The following PCDH15 variants were observed in gnomAD, a reference collection of about 807,000 sequenced individuals.
PCDH15 encodes protocadherin related 15.
In PCDH15, 129 loss-of-function variants were observed where a neutral mutation model predicts 178.5. That is an observed-to-expected ratio of 0.72 (90% confidence interval 0.63 to 0.84). The LOEUF (loss-of-function observed/expected upper bound fraction) is 0.84, where lower values mean the gene tolerates loss of function less well. PCDH15 is among the 40% of genes least tolerant of loss of function. The pLI is 0.00. For synonymous variants in PCDH15, 800 were observed against 732.0 expected (o/e 1.09, Z -1.50); for missense variants, 2,230 against 2,099.9 (o/e 1.06, Z -1.21).
At chr10:55,271,738 C>A (rs1842450324) in intron 1 of PCDH15, among the ~76,000 whole-genome samples, 1 of 152,044 alleles carries the variant, frequency 6.6e-6, no homozygotes, top group African/African-American at 2.4e-5. Context: ...GTACTCTGGC[C>A]TCTACCTTCC....
chr10:54,500,112 C>A (rs1158613770), intron 3 of PCDH15, among the ~76,000 whole-genome samples: 1 of 151,908 alleles, frequency 6.6e-6, no homozygotes, highest in Non-Finnish European at 1.5e-5. Context: ...TACTATGCAG[C>A]CATTAAAGAA....
At chr10:53,971,809 A>T (rs780483549) in intron 21 of PCDH15, among the ~76,000 whole-genome samples, 35 of 152,346 alleles carry the variant, frequency 2.3e-4, no homozygotes, top group Non-Finnish European at 2.5e-4. Context: ...AAATGGAAGA[A>T]CATTCCATGC....
intron 3 of PCDH15, among the ~76,000 whole-genome samples, chr10:54,491,166 T>C (rs2079551551): frequency 6.6e-6 from 1 of 152,172 alleles, no homozygotes; most frequent in South Asian, 2.1e-4. Flanking sequence ...AATTCAAAGT[T>C]ATCAGAAAAG....
chr10:54,591,355 G>A (rs7088162), intron 2 of PCDH15, among the ~76,000 whole-genome samples: 3,054 of 152,284 alleles, frequency 0.02, 90 homozygotes, highest in African/African-American at 0.068. Context: ...AAATGTGATT[G>A]TAGAAGAATG....
Position 54,495,878 on chromosome 10 carries a change from C to T in PCDH15, c.157+31934G>A, listed in dbSNP as rs375947364. Reference sequence around the variant, plus strand: ...TCAGATTTTGCTTTCACACACTCCACTGAATGTGCTCTCTTCTTAATAAAA... The same window carrying T: ...TCAGATTTTGCTTTCACACACTCCATTGAATGTGCTCTCTTCTTAATAAAA... On this transcript the variant is annotated intron_variant, in intron 3 of 37. Coordinates refer to ENST00000644397, the MANE Select transcript of PCDH15 (RefSeq NM_001384140.1). Among the ~76,000 whole-genome samples the T allele has an allele frequency of 1.2e-4, 19 of 152,296 alleles. No homozygotes were observed. The East Asian group carries it at 2.9e-3, about 23-fold the overall frequency.
chr10:54,313,849 G>A (rs750217953), intron 8 of PCDH15, among the ~76,000 whole-genome samples: 17 of 152,024 alleles, frequency 1.1e-4, no homozygotes, highest in Non-Finnish European at 2.2e-4. Flanking sequence ...CTGTAATCTG[G>A]AGAGGAAAGG....
chr10:55,013,127 A>G (rs968385525), intron 2 of PCDH15, among the ~76,000 whole-genome samples: 3 of 152,108 alleles, frequency 2.0e-5, no homozygotes, highest in African/African-American at 7.2e-5. Context: ...ATTTGTCACT[A>G]AATCCTTTTG....
At chr10:53,911,757 C>T (rs1196563833) in intron 25 of PCDH15, among the ~76,000 whole-genome samples, 1 of 152,150 alleles carries the variant, frequency 6.6e-6, no homozygotes, top group Non-Finnish European at 1.5e-5. Context: ...GAAGTTGAAT[C>T]TCTGAATAGA....
At chr10:54,903,294 A>T (rs184109274) in intron 2 of PCDH15, among the ~76,000 whole-genome samples, 90 of 152,244 alleles carry the variant, frequency 5.9e-4, no homozygotes, top group Non-Finnish European at 8.8e-5. Flanking sequence ...AAATTTTATT[A>T]TATTCTATGT....
At chr10:55,383,868 C>T (rs1355122521) in intron 2 of PCDH15, among the ~76,000 whole-genome samples, 1 of 152,052 alleles carries the variant, frequency 6.6e-6, no homozygotes, top group Non-Finnish European at 1.5e-5. Flanking sequence ...TTTGCACTAA[C>T]TGGGGAATTG....
intron 3 of PCDH15, among the ~76,000 whole-genome samples, chr10:54,404,745 CT>C (rs139646869): frequency 0.03 from 4,593 of 152,048 alleles, 226 homozygotes; most frequent in African/African-American, 0.11. Context: ...TTCTTACAAA[CT>C]ATGCATTTGA....
intron 28 of PCDH15, among the ~76,000 whole-genome samples, chr10:53,851,647 A>G (rs2078364563): frequency 7.1e-6 from 1 of 140,626 alleles, no homozygotes; most frequent in African/African-American, 2.6e-5. Flanking sequence ...GCTTCCCGAG[A>G]GACCTTCTAA....
chr10:54,350,283 G>A (rs754053384), intron 5 of PCDH15, among the ~76,000 whole-genome samples: 1 of 152,082 alleles, frequency 6.6e-6, no homozygotes, highest in Non-Finnish European at 1.5e-5. Context: ...GGCTGACAGG[G>A]GAGGATGGGC....
At chr10:54,207,705 C>A (rs1203945743) in intron 10 of PCDH15, among the ~76,000 whole-genome samples, 1 of 152,012 alleles carries the variant, frequency 6.6e-6, no homozygotes, top group African/African-American at 2.4e-5. Flanking sequence ...ATACTCTTAG[C>A]TGCCTTCTCT....
intron 1 of PCDH15, among the ~76,000 whole-genome samples, chr10:54,726,289 T>G (rs1462120184): frequency 6.6e-6 from 1 of 151,460 alleles, no homozygotes; most frequent in East Asian, 1.9e-4. Flanking sequence ...CCTAAGAAAA[T>G]AATTATTATT....
At chr10:54,024,985 T>C (rs1196113585) in intron 18 of PCDH15, among the ~76,000 whole-genome samples, 1 of 152,186 alleles carries the variant, frequency 6.6e-6, no homozygotes, top group East Asian at 1.9e-4. Context: ...AGTCACTTTT[T>C]CTGTCTATGG....
intron 3 of PCDH15, among the ~76,000 whole-genome samples, chr10:54,885,309 A>T (rs1174471108): frequency 6.6e-6 from 1 of 152,040 alleles, no homozygotes; most frequent in Non-Finnish European, 1.5e-5. Flanking sequence ...TGTCATGTGA[A>T]ATCTTGATAG....
In PCDH15 at chr10:55,305,038, G is replaced by A. The variant is rs550363933; in HGVS notation, c.-156+14561C>T. Among the ~76,000 whole-genome samples the A allele has an allele frequency of 4.1e-4, 62 of 152,186 alleles. No individual in the cohort carries two copies. The South Asian group carries it at 0.011, about 28-fold the overall frequency. ...CTCATAGTATTCCAGAAGAAGTAAC[G>A]CTATCTGTGAAAAAAGAAGCCACTG... is the stretch of plus-strand genomic sequence containing the variant. On this transcript the variant is annotated intron_variant, in intron 1 of 5. Coordinates refer to the PCDH15 transcript ENST00000458638.
rs193264635 is a variant in PCDH15, at chr10:53,947,786, C to G, written c.3123-6811G>C. On this transcript the variant is annotated intron_variant, in intron 23 of 37. Coordinates refer to ENST00000644397, the MANE Select transcript of PCDH15 (RefSeq NM_001384140.1). The stretch of plus-strand genomic sequence containing the variant: ...GTATGTTCCAAAGAATGCGTGCTTT[C>G]TGTCACTAAGAGTTTTGCTTCTATT... Among the ~76,000 whole-genome samples the G allele has an allele frequency of 2.6e-5, 4 of 152,314 alleles. 1 individual carries two copies. Among genetic ancestry groups the G allele is most frequent in the Middle Eastern group, 6.8e-3 (2 of 294 alleles).
Sources: allele counts gnomAD v4.1 joint callset (sites outside exome capture counted in the v4.1 genomes callset), GRCh38; gene constraint gnomAD v4.1.1; transcripts MANE v1.5; gene names NCBI Gene and HGNC (gene_info 2026-07-23, HGNC 2026-07-21).